Variants in TSG101 observed in about 807,000 individuals in gnomAD.
TSG101 encodes the protein tumor susceptibility gene 101 protein.
In TSG101, 19 loss-of-function variants were observed where a neutral mutation model predicts 48.5. The observed-to-expected ratio is 0.39, with a 90% CI of 0.27 to 0.58. The LOEUF is 0.58. Among genes scored for constraint, TSG101 ranks in the 20% least tolerant of loss-of-function variants. The probability of loss-of-function intolerance (pLI) is 0.55; values close to 1 mark genes in which losing one functional copy is unlikely to be tolerated. For missense variants in TSG101, 365 were observed against 484.4 expected (o/e 0.75, Z 2.31); for synonymous variants, 174 against 169.4 (o/e 1.03, Z -0.21).
Position 18,506,920 on chromosome 11 carries a change from G to T in TSG101, c.485C>A (p.Ser162Tyr), listed in dbSNP as rs1401471348. 2 of 1,605,604 alleles carry T rather than the reference G, an allele frequency of 1.2e-6. No individual in the cohort carries two copies. Among genetic ancestry groups the T allele is most frequent in the East Asian group, 4.5e-5 (2 of 44,786 alleles). Residue 162 changes from serine (S) to tyrosine (Y), a missense_variant, in exon 6 of 10, where the codon TCC becomes TAC. Coordinates refer to ENST00000251968, the MANE Select transcript of TSG101 (RefSeq NM_006292.4). Reference protein sequence around the residue: ...PYQATGPPNTSYMPGMPGGIS... With the variant: ...PYQATGPPNTYYMPGMPGGIS... ...TCCACCTGGCATGCCTGGCATGTAG[G>T]AAGCTAAAAACAATTTTTTTCACAT...
chr11:18,516,617 T>C (rs1850179220), intron 2 of TSG101, among the ~76,000 whole-genome samples: 1 of 152,036 alleles, frequency 6.6e-6, no homozygotes. Flanking sequence ...GTGCTGGGAT[T>C]ACAGGTGTGA....
rs148079655 is a variant in TSG101, at chr11:18,506,408, A to G, written c.548+449T>C. Among the ~76,000 whole-genome samples, 565 of 151,580 alleles carry G rather than the reference A, an allele frequency of 3.7e-3. 5 individuals are homozygous for G. The highest frequency in any genetic ancestry group is 0.012 in the African/African-American group (507 of 41,380). On this transcript the variant is annotated intron_variant, in intron 6 of 9. Coordinates refer to ENST00000251968, the MANE Select transcript of TSG101 (RefSeq NM_006292.4). ...TCTTCTTTTAAAAAAAAAAAAATACATAGGCTGGGCATGGTGGCTCACACC... is the reference window on the plus strand; with the variant it reads ...TCTTCTTTTAAAAAAAAAAAAATACGTAGGCTGGGCATGGTGGCTCACACC...
intron 1 of TSG101, among the ~76,000 whole-genome samples, chr11:18,521,553 G>C (rs4483571): frequency 6.7e-6 from 1 of 150,138 alleles, no homozygotes; most frequent in African/African-American, 2.5e-5. Context: ...ATTTTTCATA[G>C]AGACAGGATC....
At chr11:18,512,529 G>A (rs1192943059) in intron 4 of TSG101, among the ~76,000 whole-genome samples, 1 of 152,056 alleles carries the variant, frequency 6.6e-6, no homozygotes, top group East Asian at 1.9e-4. Context: ...GGAGTGGAGG[G>A]ATGTCCCGTT....
intron 1 of TSG101, 78 bp downstream of exon 1, chr11:18,526,697 C>G: frequency 6.5e-7 from 1 of 1,534,222 alleles, no homozygotes; most frequent in African/African-American, 1.4e-5. Flanking sequence ...GCTTGCTTGG[C>G]TGGGCCGGGA....
intron 7 of TSG101, chr11:18,491,046 G>A (rs904348371): frequency 1.1e-5 from 2 of 177,330 alleles, no homozygotes; most frequent in Non-Finnish European, 2.4e-5. Flanking sequence ...CACTCCTCTG[G>A]CAGCGGTGGC....
At chr11:18,499,400 A>ATTTTTTTT (rs1204737360) in intron 7 of TSG101, among the ~76,000 whole-genome samples, 2 of 6,784 alleles carry the variant, frequency 2.9e-4, no homozygotes, top group African/African-American at 4.1e-4. Flanking sequence ...ATATATATAT[A>ATTTTTTTT]TATTTTTTTT....
chr11:18,526,753 G>A lies in TSG101; in HGVS notation c.42+22C>T, dbSNP rs758688206. 1.4e-5 allele frequency: 23 copies of A among 1,598,776 alleles called. No homozygotes were observed. In the South Asian group the frequency reaches 1.9e-4, roughly 13 times the overall value. The stretch of plus-strand genomic sequence containing the variant: ...AGGGAGCGGTGGGCGCGCCCTGGGA[G>A]GCGAGCGCGTCGCAGCCTCACCTTG... On this transcript the variant is annotated intron_variant, in intron 1 of 9. Transcript: ENST00000251968.
chr11:18,483,292 C>A (rs185527919), intron 8 of TSG101, among the ~76,000 whole-genome samples: 1 of 151,956 alleles, frequency 6.6e-6, no homozygotes, highest in Non-Finnish European at 1.5e-5. Context: ...ATCAGGAGTT[C>A]GGGACGAGCC....
intron 1 of TSG101, chr11:18,525,772 C>A: frequency 1.3e-6 from 1 of 748,094 alleles, no homozygotes; most frequent in Non-Finnish European, 1.6e-6. Context: ...CCAATATATG[C>A]TTTATTTTGA....
intron 7 of TSG101, among the ~76,000 whole-genome samples, chr11:18,489,578 A>G (rs142613047): frequency 8.5e-5 from 13 of 152,356 alleles, no homozygotes; most frequent in African/African-American, 2.9e-4. Context: ...CAGGTGTGTT[A>G]TATGAGCACT....
chr11:18,514,862 T>G (rs769963004), intron 3 of TSG101, 21 bp from the exon 4 acceptor site: 1 of 1,518,086 alleles, frequency 6.6e-7, no homozygotes, highest in Non-Finnish European at 8.8e-7. Flanking sequence ...AATAGAAACT[T>G]CAGTTACTCT....
intron 7 of TSG101, among the ~76,000 whole-genome samples, chr11:18,499,300 TTATA>T (rs200289940): frequency 7.1e-5 from 9 of 126,178 alleles, no homozygotes; most frequent in African/African-American, 2.6e-4. Flanking sequence ...ATATTTATAT[TTATA>T]TATTTATTTA....
chr11:18,524,189 A>G (rs921656348), intron 1 of TSG101, among the ~76,000 whole-genome samples: 9 of 152,366 alleles, frequency 5.9e-5, no homozygotes, highest in Non-Finnish European at 7.3e-5. Context: ...TGAAACATCT[A>G]AAGTGGGAAG....
chr11:18,519,027 T>G (rs34457574), intron 2 of TSG101, among the ~76,000 whole-genome samples: 55,966 of 151,944 alleles, frequency 0.37, 10,862 homozygotes, highest in East Asian at 0.67. Flanking sequence ...TTGAGACAGG[T>G]TCTTGCTCTG....
rs781147397 is a variant in TSG101, at chr11:18,510,494, T to C, written c.358-829A>G. Among the ~76,000 whole-genome samples, 23 of 152,206 alleles carry C rather than the reference T, an allele frequency of 1.5e-4. 1 individual carries two copies. Among genetic ancestry groups the C allele is most frequent in the South Asian group, 4.2e-4 (2 of 4,812 alleles). On this transcript the variant is annotated intron_variant, in intron 4 of 9. Coordinates refer to ENST00000251968, the MANE Select transcript of TSG101 (RefSeq NM_006292.4). Reference sequence around the variant, plus strand: ...CTAGATTGTAGTACAAAGGGGTGAATTGTTAAAGGATCTTTCCTTCCAACA... The same window carrying C: ...CTAGATTGTAGTACAAAGGGGTGAACTGTTAAAGGATCTTTCCTTCCAACA...
chr11:18,494,244 G>A (rs1849742363), intron 7 of TSG101, among the ~76,000 whole-genome samples: 1 of 152,264 alleles, frequency 6.6e-6, no homozygotes, highest in African/African-American at 2.4e-5. Flanking sequence ...GATGAAAGAT[G>A]CTACCTGGTA....
intron 2 of TSG101, 152 bp from the exon 3 acceptor site, chr11:18,516,316 C>A: frequency 1.6e-6 from 1 of 611,446 alleles, no homozygotes; most frequent in African/African-American, 1.9e-5. Flanking sequence ...ACTAACAATT[C>A]TTTGTTGATT....
At chr11:18,500,196 A>G (rs1437821596) in intron 7 of TSG101, among the ~76,000 whole-genome samples, 2 of 152,196 alleles carry the variant, frequency 1.3e-5, no homozygotes, top group Non-Finnish European at 2.9e-5. Context: ...CACTGTGTAC[A>G]CATACCTCAT....
Sources: allele counts gnomAD v4.1 joint callset (sites outside exome capture counted in the v4.1 genomes callset), GRCh38; gene constraint gnomAD v4.1.1; transcripts MANE v1.5; gene names NCBI Gene and HGNC (gene_info 2026-07-23, HGNC 2026-07-21).